NFIX: variants seen among roughly 807,000 people sequenced by gnomAD.
The protein encoded by NFIX is nuclear factor 1 X-type.
A neutral mutation model predicts 53.3 loss-of-function variants in NFIX; 2 were observed. The ratio of observed to expected loss-of-function variants is 0.04; its 90% CI spans 0.02 to 0.12. The LOEUF (loss-of-function observed/expected upper bound fraction) is 0.12, where lower values mean the gene tolerates loss of function less well. Among genes scored for constraint, NFIX ranks in the 10% least tolerant of loss-of-function variants. NFIX has a pLI of 1.00. For synonymous variants in NFIX, 244 were observed against 289.0 expected, an observed-to-expected ratio of 0.84 and a Z score of 1.58; for missense variants, 310 against 674.5, an observed-to-expected ratio of 0.46 and a Z score of 5.99.
rs763063915 is a variant in NFIX, at chr19:13,037,542, A to T, written c.559+11990A>T. On this transcript the variant is annotated intron_variant, in intron 2 of 10. Coordinates refer to ENST00000592199, the MANE Select transcript of NFIX (RefSeq NM_001365902.3). This position sits in a 1 kb window ranked among gnomAD's most constrained non-coding sequence, Gnocchi z 4.2. ...TTTTAGGTGTATGGGAGATTGCTTC[A>T]TATAGGGTGGGGAAGAACTAGTCTT... Among the ~76,000 whole-genome samples the T allele has an allele frequency of 6.6e-6, 1 of 152,194 alleles. No individual in the cohort carries two copies. Among genetic ancestry groups the T allele is most frequent in the Non-Finnish European group, 1.5e-5 (1 of 68,028 alleles).
chr19:13,078,768 T>G lies in NFIX; in HGVS notation c.1078+33T>G. 6.4e-7 allele frequency: 1 copy of G among 1,571,862 alleles called. No individual in the cohort carries two copies. Among genetic ancestry groups the G allele is most frequent in the Non-Finnish European group, 8.6e-7 (1 of 1,163,290 alleles). The stretch of plus-strand genomic sequence containing the variant: ...ATGGGGGGCCCCGGAGGGGGGCAGT[T>G]GGGGAGGTGGCTGAGTATCTAGGGG... On this transcript the variant is annotated intron_variant, in intron 7 of 10. Coordinates refer to ENST00000592199, the MANE Select transcript of NFIX (RefSeq NM_001365902.3). The surrounding 1 kb of genome is among the most constrained non-coding windows in gnomAD (Gnocchi z 4.7).
Position 13,078,858 on chromosome 19 carries a change from CA to C in NFIX, c.1078+125del. ...ACAGCCCCACGCTCTCCAAGTGGGC[CA>C]AGGTGCAGCAGCGGGTGGGCATGGG... On this transcript the variant is annotated intron_variant, in intron 7 of 10. Transcript: ENST00000592199. The surrounding 1 kb of genome is among the most constrained non-coding windows in gnomAD (Gnocchi z 4.7). 1 of 1,174,938 alleles carries C rather than the reference CA, an allele frequency of 8.5e-7. No individual in the cohort carries two copies. Among genetic ancestry groups the C allele is most frequent in the Non-Finnish European group, 1.2e-6 (1 of 858,440 alleles). 72.8% of individuals were successfully genotyped at this position (1,174,938 alleles called of 1,614,324 possible).
At chr19:13,069,730 G>A (rs927416061) in intron 2 of NFIX, 5 of 152,330 alleles carry the variant, frequency 3.3e-5, no homozygotes, top group African/African-American at 1.2e-4. Context: ...CCCCTCCTGT[G>A]GTGTTGGCAG....
At chr19:13,008,580 T>G (rs2012152488) in intron 1 of NFIX, among the ~76,000 whole-genome samples, 1 of 152,150 alleles carries the variant, frequency 6.6e-6, no homozygotes, top group South Asian at 2.1e-4. Flanking sequence ...TCTCCTAGCT[T>G]TTCTTGATCT....
In NFIX at chr19:13,088,648, G is replaced by A. The variant is rs965794045; in HGVS notation, c.1402+512G>A. 4.0e-5 allele frequency among the ~76,000 whole-genome samples: 6 copies of A among 151,778 alleles called. No individual in the cohort carries two copies. Among genetic ancestry groups the A allele is most frequent in the African/African-American group, 1.5e-4 (6 of 41,276 alleles). On this transcript the variant is annotated intron_variant, in intron 9 of 10. Transcript: ENST00000592199. This position sits in a 1 kb window ranked among gnomAD's most constrained non-coding sequence, Gnocchi z 5.9. ...CATCCCTGGGCCCTTGGGCCTCAAA[G>A]ACGCAGCAGGCCAGCCCGACCCCTT... is the stretch of plus-strand genomic sequence containing the variant.
intron 6 of NFIX, 130 bp downstream of exon 6, chr19:13,075,801 C>T: frequency 8.9e-7 from 1 of 1,117,880 alleles, no homozygotes. Context: ...TGTTTTCTTG[C>T]CTCCTGATCT....
intron 2 of NFIX, among the ~76,000 whole-genome samples, chr19:13,057,441 A>AT (rs1385860675): frequency 1.3e-5 from 2 of 152,144 alleles, no homozygotes; most frequent in African/African-American, 4.8e-5. Flanking sequence ...CCAGCCTCCC[A>AT]TTAGCTGTGT....
At chr19:13,069,582 C>T (rs1329469040) in intron 2 of NFIX, among the ~76,000 whole-genome samples, 1 of 152,062 alleles carries the variant, frequency 6.6e-6, no homozygotes, top group Non-Finnish European at 1.5e-5. Context: ...CCACCCCGGG[C>T]TCAGGGGCGA....
chr19:13,059,898 C>T (rs1599811064), intron 2 of NFIX, among the ~76,000 whole-genome samples: 1 of 150,560 alleles, frequency 6.6e-6, no homozygotes, highest in Non-Finnish European at 1.5e-5. Context: ...ATTCTCTTGC[C>T]TCAGCCTCCC....
In NFIX at chr19:13,025,191, G is replaced by C. The variant is rs1490773287; in HGVS notation, c.198G>C (p.Glu66Asp). 6.2e-7 allele frequency: 1 copy of C among 1,614,228 alleles called. No individual in the cohort carries two copies. Among genetic ancestry groups the C allele is most frequent in the African/African-American group, 1.3e-5 (1 of 75,056 alleles). ...ACGAGCTGCTGGGCGAGAAGCCCGA[G>C]ATCAAGCAGAAGTGGGCATCCCGGC... ...VKDELLGEKP[E>D]IKQKWASRLL... is the part of the protein sequence containing the mutation. The change falls in exon 2 of 11, where the codon GAG (glutamate) becomes GAC (aspartate). Residue 66 changes from glutamate (E) to aspartate (D), a missense_variant. Around this residue, in one of 5 missense-constraint regions of NFIX, gnomAD observed 64 missense variants for 144.5 expected, o/e 0.44. Transcript: ENST00000592199. This position sits in a 1 kb window ranked among gnomAD's most constrained non-coding sequence, Gnocchi z 7.5.
chr19:13,023,720 G>C (rs2013099243), intron 1 of NFIX, among the ~76,000 whole-genome samples: 1 of 147,826 alleles, frequency 6.8e-6, no homozygotes, highest in South Asian at 2.2e-4. Flanking sequence ...GGCGTGTGTG[G>C]CAGCCGGCTC....
rs1372990872 is a variant in NFIX, at chr19:13,067,050, C to G, written c.560-5997C>G. ...TCAGGAGGCACAATAGTTACATTCT[C>G]CAGCTCTGATTGCTACAGGCAGGGC... On this transcript the variant is annotated intron_variant, in intron 2 of 10. Coordinates refer to ENST00000592199, the MANE Select transcript of NFIX (RefSeq NM_001365902.3). The surrounding 1 kb of genome is among the most constrained non-coding windows in gnomAD (Gnocchi z 4.2). Among the ~76,000 whole-genome samples the G allele has an allele frequency of 6.6e-6, 1 of 152,224 alleles. No individual in the cohort carries two copies. Among genetic ancestry groups the G allele is most frequent in the African/African-American group, 2.4e-5 (1 of 41,460 alleles).
intron 1 of NFIX, among the ~76,000 whole-genome samples, chr19:13,010,113 C>A (rs1416635495): frequency 6.6e-6 from 1 of 152,178 alleles, no homozygotes; most frequent in African/African-American, 2.4e-5. Flanking sequence ...GTTCCTCCCC[C>A]GCCTGCTCCT....
At chr19:13,019,735 T>G (rs7248711) in intron 1 of NFIX, among the ~76,000 whole-genome samples, 35,853 of 142,238 alleles carry the variant, frequency 0.25, 5,482 homozygotes, top group East Asian at 0.56. Flanking sequence ...TTGTTTGTTT[T>G]TTTTTTTTTT....
chr19:13,074,625 T>C (rs2016964148), intron 5 of NFIX, among the ~76,000 whole-genome samples: 1 of 147,024 alleles, frequency 6.8e-6, no homozygotes. Context: ...GTGGGGTGGA[T>C]GGAGAGGGAG....
At chr19:13,035,626 A>G (rs1238420088) in intron 2 of NFIX, among the ~76,000 whole-genome samples, 2 of 152,124 alleles carry the variant, frequency 1.3e-5, no homozygotes, top group Admixed American at 6.5e-5. Flanking sequence ...TAGTAGTAAA[A>G]CACATTCTTT....
chr19:13,047,417 G>T (rs1353876860), intron 2 of NFIX, among the ~76,000 whole-genome samples: 1 of 152,088 alleles, frequency 6.6e-6, no homozygotes, highest in East Asian at 1.9e-4. Flanking sequence ...ACCACAGAAT[G>T]CTCTGCTTTT....
chr19:13,096,034 GGTTGGGGGGCCTGTCC>G lies in NFIX; in HGVS notation c.*1386_*1401del, dbSNP rs2018428221. 6.6e-6 allele frequency: 1 copy of G among 152,452 alleles called. No individual in the cohort carries two copies. Among genetic ancestry groups the G allele is most frequent in the Non-Finnish European group, 1.5e-5 (1 of 68,076 alleles). 9.4% of individuals were successfully genotyped at this position (152,452 alleles called of 1,614,324 possible). ...CCAGCCCCCTCCTCCCTCAAGGGAG[GGTTGGGGGGCCTGTCC>G]AGAGGGTCTTCAGAAGCCCCCCTGG... is the stretch of plus-strand genomic sequence containing the variant. On this transcript the variant is annotated 3_prime_UTR_variant, in exon 11 of 11. Transcript: ENST00000592199.
At chr19:13,080,725 GCGCGGTGTCTCA>G (rs905680832) in intron 7 of NFIX, among the ~76,000 whole-genome samples, 3 of 152,094 alleles carry the variant, frequency 2.0e-5, no homozygotes, top group African/African-American at 7.2e-5. Flanking sequence ...TACTGGCTGG[GCGCGGTGTCTCA>G]CGCCTGTAAT....
Sources: gnomAD v4.1 joint callset for allele counts (sites outside exome capture counted in the v4.1 genomes callset) on GRCh38, gnomAD v4.1.1 for gene constraint, gnomAD v4.1.1 regional missense constraint, Gnocchi (gnomAD v3.1) non-coding constraint, MANE v1.5 for transcripts, NCBI Gene and HGNC (gene_info 2026-07-23, HGNC 2026-07-21) for gene names.